The following SETD4 variants were observed in gnomAD, a reference collection of about 807,000 sequenced individuals.
SETD4 encodes SET domain-containing protein 4.
Under a neutral mutation model 58.3 loss-of-function variants are expected in SETD4, and 46 were observed. The ratio of observed to expected loss-of-function variants is 0.79; its 90% CI spans 0.62 to 1.01. The LOEUF (loss-of-function observed/expected upper bound fraction) is 1.01, where lower values mean the gene tolerates loss of function less well. SETD4 is among the 50% of genes least tolerant of loss of function. The probability of loss-of-function intolerance (pLI) is 0.00; values close to 1 mark genes in which losing one functional copy is unlikely to be tolerated. For synonymous variants in SETD4, 190 were observed against 202.6 expected (o/e 0.94, Z 0.53); for missense variants, 490 against 523.3 (o/e 0.94, Z 0.62).
intron 10 of SETD4, among the ~76,000 whole-genome samples, chr21:36,036,914 A>C (rs1439631895): frequency 6.6e-6 from 1 of 152,232 alleles, no homozygotes; most frequent in African/African-American, 2.4e-5. Context: ...GTCACACGGC[A>C]ATAAGCCAGC....
chr21:36,050,579 G>A (rs1450975707), intron 4 of SETD4: 5 of 1,613,826 alleles, frequency 3.1e-6, no homozygotes, highest in Non-Finnish European at 4.2e-6. Context: ...CATTTCAAGA[G>A]TTGGCTGGCC....
intron 3 of SETD4, among the ~76,000 whole-genome samples, chr21:36,056,327 T>G (rs1392390787): frequency 1.3e-5 from 2 of 152,214 alleles, no homozygotes; most frequent in African/African-American, 4.8e-5. Flanking sequence ...ATGCTTTGAC[T>G]TTTCTGTAAG....
intron 9 of SETD4, among the ~76,000 whole-genome samples, chr21:36,038,807 C>A (rs2063904148): frequency 6.6e-6 from 1 of 152,064 alleles, no homozygotes; most frequent in Non-Finnish European, 1.5e-5. Context: ...TACAAAGGTT[C>A]GCAGGAAACG....
intron 4 of SETD4, among the ~76,000 whole-genome samples, chr21:36,048,946 A>T (rs2064494275): frequency 1.3e-5 from 2 of 152,098 alleles, no homozygotes; most frequent in African/African-American, 4.8e-5. Flanking sequence ...TATGCCAGGA[A>T]ATAGTGCTAC....
intron 9 of SETD4, among the ~76,000 whole-genome samples, chr21:36,038,514 G>C (rs1182999796): frequency 6.6e-6 from 1 of 152,162 alleles, no homozygotes; most frequent in Non-Finnish European, 1.5e-5. Flanking sequence ...ACTCTCTGCA[G>C]GCAAGGGCTG....
intron 1 of SETD4, chr21:36,059,763 A>AC (rs2065194189): frequency 2.0e-6 from 2 of 985,372 alleles, no homozygotes; most frequent in Non-Finnish European, 2.4e-6. Context: ...TGAGCAAGAG[A>AC]CAAGAACTCC....
rs1273711017 is a variant in SETD4 at position 36,059,828 on chromosome 21, A to G, written c.-37+519T>C. 4.1e-6 allele frequency: 4 copies of G among 985,384 alleles called. No homozygotes were observed. In the African/African-American group the frequency reaches 5.2e-5, roughly 13 times the overall value. The allele number at this position is 985,384 out of a possible 1,614,324, so 61.0% of individuals were successfully genotyped here. On this transcript the variant is annotated intron_variant, in intron 1 of 11. Coordinates refer to ENST00000332131, the MANE Select transcript of SETD4 (RefSeq NM_017438.5). ...ATAAGGTTCATTATTTGACCTAACG[A>G]AAGTCGGCATGTCCAGCTCCAGAGG... is the stretch of plus-strand genomic sequence containing the variant.
intron 4 of SETD4, among the ~76,000 whole-genome samples, chr21:36,049,521 C>T (rs942038364): frequency 6.6e-6 from 1 of 152,134 alleles, no homozygotes; most frequent in Non-Finnish European, 1.5e-5. Context: ...CGCCACTGTA[C>T]TCTAGCCTGG....
At chr21:36,041,958 T>G (rs71330635) in intron 7 of SETD4, 70 bp from the exon 8 acceptor site, 40,639 of 774,784 alleles carry the variant, frequency 0.052, 1,315 homozygotes, top group Non-Finnish European at 0.062. Context: ...CCTTCCCTTC[T>G]CAACTCACTT....
At position 36,055,807 on chromosome 21, in the gene SETD4, G is replaced by A. The variant is rs965631544; in HGVS notation, c.169+1302C>T. Among the ~76,000 whole-genome samples, 10 of 152,148 alleles carry A rather than the reference G, an allele frequency of 6.6e-5. No homozygotes were observed. In the East Asian group the frequency reaches 1.7e-3, roughly 26 times the overall value. ...TCTTTACTGCTCCAAATTACAAACA[G>A]ATGACCTATTCTCAGGTATTCCATC... On this transcript the variant is annotated intron_variant, in intron 3 of 11. Coordinates refer to ENST00000332131, the MANE Select transcript of SETD4 (RefSeq NM_017438.5).
chr21:36,060,184 G>A (rs1313217626), intron 1 of SETD4, 163 bp downstream of exon 1: 4 of 949,768 alleles, frequency 4.2e-6, no homozygotes, highest in African/African-American at 1.8e-5. Context: ...CAAGATGAGA[G>A]GTTACTGCAG....
chr21:36,050,408 A>G (rs2064603725), intron 4 of SETD4: 1 of 1,614,020 alleles, frequency 6.2e-7, no homozygotes, highest in Non-Finnish European at 8.5e-7. Context: ...GGATCAATGG[A>G]GAGCTAATCA....
rs1428996222 is a variant in SETD4 at position 36,038,166 on chromosome 21, T to G, written c.1172A>C (p.Asn391Thr). The G allele has an allele frequency of 6.2e-7, 1 of 1,613,270 alleles. No homozygotes were observed. The highest frequency in any genetic ancestry group is 1.1e-5 in the South Asian group (1 of 90,716). The change falls in exon 10 of 12, where the codon AAT becomes ACT. Residue 391 changes from asparagine to threonine, a missense_variant. Coordinates refer to ENST00000332131, the MANE Select transcript of SETD4 (RefSeq NM_017438.5). The stretch of plus-strand genomic sequence containing the variant: ...GAAACATACCTTTTGAAGCACAGCA[T>G]TAGTCTCTTCTATGAAATAATAGCA... Reference protein sequence around the residue: ...KICYYFIEETNAVLQKVSHMK... With the variant: ...KICYYFIEETTAVLQKVSHMK...
At chr21:36,056,997 T>G in intron 3 of SETD4, 112 bp downstream of exon 3, 2 of 830,738 alleles carry the variant, frequency 2.4e-6, no homozygotes, top group Non-Finnish European at 4.1e-6. Context: ...GGGGAACACA[T>G]GCAAACCAGC....
chr21:36,041,873 T>C lies in SETD4; in HGVS notation c.917A>G (p.Tyr306Cys), dbSNP rs758448550. The stretch of plus-strand genomic sequence containing the variant: ...CATCTGTTTATCTGTTGATGGAAGA[T>C]ATTTAACAAGTATTTCTATATTCAA... ...VYVSREILVK[Y>C]LPSTDKQMDK... The change falls in exon 8 of 12, where the codon TAT (tyrosine) becomes TGT (cysteine). Residue 306 changes from tyrosine to cysteine, a missense_variant. Coordinates refer to ENST00000332131, the MANE Select transcript of SETD4 (RefSeq NM_017438.5). 2 of 1,461,102 alleles carry C rather than the reference T, an allele frequency of 1.4e-6. No individual in the cohort carries two copies. The highest frequency in any genetic ancestry group is 1.5e-5 in the African/African-American group (1 of 67,198). The allele number at this position is 1,461,102 out of a possible 1,614,324, so 90.5% of individuals were successfully genotyped here.
At chr21:36,058,426 G>A (rs940830739) in intron 2 of SETD4, among the ~76,000 whole-genome samples, 10 of 150,838 alleles carry the variant, frequency 6.6e-5, no homozygotes, top group Non-Finnish European at 1.0e-4. Context: ...GCTAAGGGAG[G>A]AGATCACTTG....
In SETD4 at chr21:36,034,915, A is replaced by G. The variant is rs566261854; in HGVS notation, c.*1078T>C. The G allele has an allele frequency of 6.6e-6, 1 of 152,360 alleles. No homozygotes were observed. The highest frequency in any genetic ancestry group is 6.5e-5 in the Admixed American group (1 of 15,300). The allele number at this position is 152,360 out of a possible 1,614,324, so 9.4% of individuals were successfully genotyped here. ...ACTGCAGCTACTGAAAAATAAACAC[A>G]AAGTGTATATACAAACAGGGAAAGA... On this transcript the variant is annotated 3_prime_UTR_variant, in exon 12 of 12. Transcript: ENST00000332131.
At chr21:36,046,048 T>C (rs2064313840) in intron 5 of SETD4, 37 bp from the exon 6 acceptor site, 3 of 1,587,078 alleles carry the variant, frequency 1.9e-6, no homozygotes, top group Admixed American at 3.6e-5. Flanking sequence ...GGAATTACTT[T>C]GATTCAAAAT....
At chr21:36,053,757 C>A in intron 3 of SETD4, 137 bp from the exon 4 acceptor site, 2 of 805,124 alleles carry the variant, frequency 2.5e-6, no homozygotes, top group South Asian at 3.2e-5. Context: ...CTTTGATTCC[C>A]AGGGGAAACA....
Sources: gnomAD v4.1 joint callset for allele counts (sites outside exome capture counted in the v4.1 genomes callset) on GRCh38, gnomAD v4.1.1 for gene constraint, MANE v1.5 for transcripts, NCBI Gene and HGNC (gene_info 2026-07-23, HGNC 2026-07-21) for gene names.